CPNE4: variants seen among roughly 807,000 people sequenced by gnomAD.
The protein encoded by CPNE4 is copine 4.
In CPNE4, 25 loss-of-function variants were observed where a neutral mutation model predicts 67.9. The observed-to-expected ratio is 0.37, with a 90% CI of 0.27 to 0.51. The LOEUF (loss-of-function observed/expected upper bound fraction) is 0.51. Among genes scored for constraint, CPNE4 ranks in the 20% least tolerant of loss-of-function variants. CPNE4 has a pLI of 0.93. For synonymous variants in CPNE4, 242 were observed against 244.9 expected, an observed-to-expected ratio of 0.99 and a Z score of 0.11; for missense variants, 464 against 690.8, an observed-to-expected ratio of 0.67 and a Z score of 3.68.
intron 6 of CPNE4, among the ~76,000 whole-genome samples, chr3:131,682,348 C>T (rs187228002): frequency 6.6e-6 from 1 of 152,256 alleles, no homozygotes; most frequent in East Asian, 1.9e-4. Context: ...ACTGTATCTG[C>T]ATTAGGGGGC....
intron 9 of CPNE4, 148 bp downstream of exon 9, chr3:131,581,431 T>G: frequency 3.3e-6 from 2 of 601,552 alleles, no homozygotes; most frequent in Non-Finnish European, 2.9e-6. Context: ...ACATTTCTCA[T>G]TTTATGTTCT....
chr3:131,640,666 T>C (rs548561186), intron 7 of CPNE4, among the ~76,000 whole-genome samples: 1 of 151,810 alleles, frequency 6.6e-6, no homozygotes, highest in East Asian at 1.9e-4. Context: ...GAAAAAACAA[T>C]CCTAAAATTC....
chr3:131,582,710 A>G (rs548374424), intron 8 of CPNE4, among the ~76,000 whole-genome samples: 1 of 152,126 alleles, frequency 6.6e-6, no homozygotes, highest in African/African-American at 2.4e-5. Flanking sequence ...GCGCCTGTGT[A>G]TTGGGGCTGG....
intron 2 of CPNE4, among the ~76,000 whole-genome samples, chr3:131,813,890 G>A (rs2084630848): frequency 6.6e-6 from 1 of 152,114 alleles, no homozygotes; most frequent in Non-Finnish European, 1.5e-5. Context: ...AGATTTGGGG[G>A]ATACCTAGTT....
intron 2 of CPNE4, among the ~76,000 whole-genome samples, chr3:131,802,141 G>T (rs1045494373): frequency 3.3e-5 from 5 of 152,150 alleles, no homozygotes; most frequent in African/African-American, 1.2e-4. Flanking sequence ...TAGAGTGCAA[G>T]ACTTCCTTTC....
chr3:131,559,615 G>A (rs7619559), intron 11 of CPNE4, among the ~76,000 whole-genome samples: 4,449 of 151,924 alleles, frequency 0.029, 216 homozygotes, highest in African/African-American at 0.097. Context: ...AAACTAAAAA[G>A]TTTTAAATTT....
intron 2 of CPNE4, among the ~76,000 whole-genome samples, chr3:131,894,444 A>G (rs904312105): frequency 3.3e-5 from 5 of 152,006 alleles, no homozygotes; most frequent in African/African-American, 4.8e-5. Flanking sequence ...CAACTTACAG[A>G]ATGGGGTAAA....
At chr3:131,934,658 G>T (rs1169108447) in intron 1 of CPNE4, among the ~76,000 whole-genome samples, 1 of 152,112 alleles carries the variant, frequency 6.6e-6, no homozygotes, top group Non-Finnish European at 1.5e-5. Flanking sequence ...ATGAGAACAT[G>T]CAGTGTTTGG....
intron 2 of CPNE4, among the ~76,000 whole-genome samples, chr3:131,729,886 C>T (rs77127839): frequency 5.3e-5 from 8 of 152,278 alleles, no homozygotes; most frequent in African/African-American, 1.4e-4. Flanking sequence ...CTGCCTCCTG[C>T]CTAGTAAATT....
At chr3:131,756,767 G>A (rs1392842863) in intron 2 of CPNE4, among the ~76,000 whole-genome samples, 4 of 152,160 alleles carry the variant, frequency 2.6e-5, no homozygotes, top group African/African-American at 7.2e-5. Context: ...GCTGCACCTC[G>A]CCCAAATCTC....
chr3:131,600,927 A>T (rs1939168548), intron 7 of CPNE4, among the ~76,000 whole-genome samples: 1 of 152,180 alleles, frequency 6.6e-6, no homozygotes, highest in South Asian at 2.1e-4. Flanking sequence ...CTTCTAAATC[A>T]GTTCTCAGTT....
In CPNE4 at chr3:131,952,940, A is replaced by G. The variant is rs142674380; in HGVS notation, c.-1-47496T>C. 4.6e-5 allele frequency among the ~76,000 whole-genome samples: 7 copies of G among 151,722 alleles called. 1 individual carries two copies. The South Asian group carries it at 1.5e-3, about 32-fold the overall frequency. ...TGGGATCCTGTTGATCTGTGACCTTACCCCCAACCCTGTGCTCTCTGAAAC... is the reference window on the plus strand; with the variant it reads ...TGGGATCCTGTTGATCTGTGACCTTGCCCCCAACCCTGTGCTCTCTGAAAC... On this transcript the variant is annotated intron_variant, in intron 1 of 15. Coordinates refer to ENST00000429747, the MANE Select transcript of CPNE4 (RefSeq NM_130808.3).
intron 2 of CPNE4, among the ~76,000 whole-genome samples, chr3:131,814,572 A>ATTTTTTTTTTTTTTT (rs71136418): frequency 1.4e-5 from 1 of 71,134 alleles, no homozygotes; most frequent in Non-Finnish European, 2.7e-5. Context: ...TTGAAATGCA[A>ATTTTTTTTTTTTTTT]TTTTTTTTTT....
At chr3:131,746,184 G>A (rs560147647) in intron 2 of CPNE4, among the ~76,000 whole-genome samples, 6 of 152,174 alleles carry the variant, frequency 3.9e-5, no homozygotes, top group South Asian at 4.1e-4. Flanking sequence ...GGGGTACAAC[G>A]TGATGTTTAG....
intron 2 of CPNE4, among the ~76,000 whole-genome samples, chr3:131,794,351 T>C (rs552178702): frequency 6.6e-6 from 1 of 152,166 alleles, no homozygotes; most frequent in South Asian, 2.1e-4. Flanking sequence ...TTCAAGGGAT[T>C]CTCCTGCCTC....
At chr3:131,877,459 C>T (rs372076305) in intron 2 of CPNE4, among the ~76,000 whole-genome samples, 1 of 152,050 alleles carries the variant, frequency 6.6e-6, no homozygotes, top group Non-Finnish European at 1.5e-5. Flanking sequence ...GTTTAAGATC[C>T]TCTAGCCTAG....
chr3:131,948,002 C>T (rs1208267579), intron 1 of CPNE4, among the ~76,000 whole-genome samples: 1 of 152,154 alleles, frequency 6.6e-6, no homozygotes, highest in Non-Finnish European at 1.5e-5. Context: ...AATATTAAGT[C>T]TTTCACTCTG....
chr3:131,765,238 G>A (rs933535473), intron 2 of CPNE4, among the ~76,000 whole-genome samples: 5 of 152,068 alleles, frequency 3.3e-5, no homozygotes, highest in African/African-American at 1.2e-4. Flanking sequence ...AAAATATCAT[G>A]CTTCCCTCTC....
intron 2 of CPNE4, among the ~76,000 whole-genome samples, chr3:131,747,618 T>C (rs1046578520): frequency 2.0e-5 from 3 of 152,156 alleles, no homozygotes; most frequent in Non-Finnish European, 4.4e-5. Flanking sequence ...GTGATTCTCC[T>C]GCCTTAGCCT....
Sources: gnomAD v4.1 joint callset for allele counts (sites outside exome capture counted in the v4.1 genomes callset) on GRCh38, gnomAD v4.1.1 for gene constraint, MANE v1.5 for transcripts, NCBI Gene and HGNC (gene_info 2026-07-23, HGNC 2026-07-21) for gene names.